Variants in PYROXD2 observed in about 807,000 individuals in gnomAD.
The protein encoded by PYROXD2 is pyridine nucleotide-disulphide oxidoreductase domain 2.
In PYROXD2, 69 loss-of-function variants were observed where a neutral mutation model predicts 71.1. That is an observed-to-expected ratio of 0.97 (90% CI 0.80 to 1.19). PYROXD2 has a LOEUF of 1.19. Ranked by LOEUF, PYROXD2 falls within the 50% of genes most tolerant of loss-of-function variation. The pLI is 0.00. For synonymous variants in PYROXD2, 287 were observed against 302.7 expected, an observed-to-expected ratio of 0.95 and a Z score of 0.54; for missense variants, 745 against 748.9, an observed-to-expected ratio of 0.99 and a Z score of 0.06.
intron 15 of PYROXD2, among the ~76,000 whole-genome samples, chr10:98,384,225 C>T (rs1842679173): frequency 6.9e-6 from 1 of 144,402 alleles, no homozygotes; most frequent in Middle Eastern, 3.2e-3. Context: ...CAAGTCTACA[C>T]AGCTGAGAGA....
chr10:98,385,759 CT>C (rs1248096729), intron 14 of PYROXD2, among the ~76,000 whole-genome samples: 1 of 152,200 alleles, frequency 6.6e-6, no homozygotes, highest in Admixed American at 6.5e-5. Context: ...CTTCCTCCCC[CT>C]GGCCTCTGTG....
intron 1 of PYROXD2, 161 bp downstream of exon 1, chr10:98,414,847 AG>A (rs1843939123): frequency 2.7e-6 from 3 of 1,100,960 alleles, no homozygotes; most frequent in Non-Finnish European, 3.7e-6. Flanking sequence ...GCCAGATGGA[AG>A]GGCTTTCCAT....
Position 98,388,459 on chromosome 10 carries a change from G to C in PYROXD2, c.1342C>G (p.Pro448Ala). 2 of 1,612,922 alleles carry C rather than the reference G, an allele frequency of 1.2e-6. No individual in the cohort carries two copies. Among genetic ancestry groups the C allele is most frequent in the South Asian group, 2.2e-5 (2 of 90,782 alleles). ...AGGGAGACTACATGGCAGCCAGGGG[G>C]AGCCAGGGTGGGGTCCAGCGAGGAA... ...IPSSLDPTLA[P>A]PGCHVVSLFT... The change falls in exon 13 of 16, where the codon CCC becomes GCC. Residue 448 changes from proline (P) to alanine (A), a missense_variant. Pro to Ala is a conservative substitution (Grantham distance 27). Transcript: ENST00000370575.
At chr10:98,395,521 G>T (rs929523452) in intron 6 of PYROXD2, 69 bp from the exon 7 acceptor site, 21 of 1,393,288 alleles carry the variant, frequency 1.5e-5, no homozygotes, top group Non-Finnish European at 2.1e-5. Context: ...CTGGCCTGGG[G>T]GATAAAAGCA....
At chr10:98,386,340 A>AGGAAGGAG (rs1842753113) in intron 14 of PYROXD2, among the ~76,000 whole-genome samples, 1 of 151,226 alleles carries the variant, frequency 6.6e-6, no homozygotes, top group African/African-American at 2.4e-5. Context: ...GAAGGAAGGA[A>AGGAAGGAG]GGAAGGAAGG....
chr10:98,400,555 C>T (rs1843361254), intron 4 of PYROXD2, among the ~76,000 whole-genome samples: 1 of 151,868 alleles, frequency 6.6e-6, no homozygotes, highest in African/African-American at 2.4e-5. Flanking sequence ...CCATACCACA[C>T]TACATCACAT....
intron 13 of PYROXD2, 124 bp downstream of exon 13, chr10:98,388,230 A>G: frequency 2.1e-6 from 2 of 947,894 alleles, no homozygotes; most frequent in Non-Finnish European, 3.2e-6. Context: ...TCCCTTGACT[A>G]TTTCCTCCCT....
At position 98,412,189 on chromosome 10, in the gene PYROXD2, A is replaced by G. The variant is rs575434641; in HGVS notation, c.128-1231T>C. Among the ~76,000 whole-genome samples the G allele has an allele frequency of 2.6e-5, 4 of 152,368 alleles. No individual in the cohort carries two copies. The South Asian group carries it at 8.3e-4, about 32-fold the overall frequency. ...TGATGATCGATCTTGGAAAACTCAT[A>G]GTCTTCCAGGCAACTGGGTCCAGTT... On this transcript the variant is annotated intron_variant, in intron 1 of 15. Transcript: ENST00000370575.
intron 5 of PYROXD2, among the ~76,000 whole-genome samples, chr10:98,399,377 C>T (rs1197627276): frequency 1.3e-5 from 2 of 152,336 alleles, no homozygotes; most frequent in East Asian, 3.9e-4. Flanking sequence ...TACATCTCAG[C>T]TAATATCCAG....
At chr10:98,407,547 C>A in intron 4 of PYROXD2, 35 bp downstream of exon 4, 1 of 1,611,030 alleles carries the variant, frequency 6.2e-7, no homozygotes, top group South Asian at 1.1e-5. Flanking sequence ...ACTGCCTCCT[C>A]CCTCCGTGCA....
chr10:98,404,568 A>C (rs733346), intron 4 of PYROXD2, among the ~76,000 whole-genome samples: 52,863 of 151,978 alleles, frequency 0.35, 9,919 homozygotes, highest in South Asian at 0.49. Context: ...CAGAAAAAAA[A>C]CCCAAAAAAA....
intron 2 of PYROXD2, 37 bp downstream of exon 2, chr10:98,410,902 G>C: frequency 1.9e-6 from 3 of 1,558,810 alleles, no homozygotes; most frequent in Non-Finnish European, 2.6e-6. Context: ...CACACGCCCA[G>C]GGCCAGTGAA....
chr10:98,385,786 AC>A (rs1277518525), intron 14 of PYROXD2, among the ~76,000 whole-genome samples: 1 of 150,962 alleles, frequency 6.6e-6, no homozygotes, highest in Non-Finnish European at 1.5e-5. Context: ...CCTTCACATC[AC>A]CTCCACCCTG....
chr10:98,390,468 T>A, intron 12 of PYROXD2, 130 bp downstream of exon 12: 1 of 1,088,590 alleles, frequency 9.2e-7, no homozygotes, highest in South Asian at 2.3e-5. Flanking sequence ...GGAGTATGGA[T>A]TTTGGCAGAT....
intron 9 of PYROXD2, 101 bp from the exon 10 acceptor site, chr10:98,392,667 ACTT>A: frequency 6.5e-7 from 1 of 1,531,142 alleles, no homozygotes; most frequent in Non-Finnish European, 8.7e-7. Context: ...GGCATTCACA[ACTT>A]CTTCATCCCA....
At chr10:98,401,941 A>C (rs978890816) in intron 4 of PYROXD2, among the ~76,000 whole-genome samples, 1 of 152,230 alleles carries the variant, frequency 6.6e-6, no homozygotes, top group African/African-American at 2.4e-5. Context: ...ATAATAATAA[A>C]AGTATAGTAT....
chr10:98,410,437 G>C (rs1299065236), intron 2 of PYROXD2, among the ~76,000 whole-genome samples: 1 of 152,202 alleles, frequency 6.6e-6, no homozygotes, highest in Admixed American at 6.5e-5. Context: ...CCTTCTGCTA[G>C]ACTGAGCTCC....
intron 5 of PYROXD2, among the ~76,000 whole-genome samples, chr10:98,399,406 A>G (rs1843311980): frequency 6.6e-6 from 1 of 152,242 alleles, no homozygotes; most frequent in Non-Finnish European, 1.5e-5. Flanking sequence ...CAAAATGGCC[A>G]TTCAAATAAT....
chr10:98,384,910 C>A, intron 15 of PYROXD2, 37 bp downstream of exon 15: 1 of 1,567,352 alleles, frequency 6.4e-7, no homozygotes, highest in Non-Finnish European at 8.6e-7. Context: ...TGAGCCCTCC[C>A]AGTCCCCACA....
Sources: allele counts gnomAD v4.1 joint callset (sites outside exome capture counted in the v4.1 genomes callset), GRCh38; gene constraint gnomAD v4.1.1; transcripts MANE v1.5; gene names NCBI Gene and HGNC (gene_info 2026-07-23, HGNC 2026-07-21).